Variants in NR3C1 observed in about 807,000 individuals in gnomAD.
NR3C1 encodes nuclear receptor subfamily 3 group C member 1.
A neutral mutation model predicts 74.0 loss-of-function variants in NR3C1; 14 were observed. The observed-to-expected ratio is 0.19, with a 90% CI of 0.12 to 0.30. NR3C1 has a LOEUF of 0.30. Among genes scored for constraint, NR3C1 ranks in the 10% least tolerant of loss-of-function variants. The pLI is 1.00. For synonymous variants in NR3C1, 308 were observed against 332.5 expected (o/e 0.93, Z 0.80); for missense variants, 695 against 909.8 (o/e 0.76, Z 3.04).
chr5:143,302,180 T>C (rs1293148433), intron 4 of NR3C1, among the ~76,000 whole-genome samples: 2 of 152,124 alleles, frequency 1.3e-5, no homozygotes, highest in African/African-American at 2.4e-5. Context: ...TATTAGTCCC[T>C]ACCTCATAGG....
At chr5:143,327,538 C>T (rs1189249710) in intron 2 of NR3C1, among the ~76,000 whole-genome samples, 1 of 152,224 alleles carries the variant, frequency 6.6e-6, no homozygotes, top group Non-Finnish European at 1.5e-5. Flanking sequence ...AAAGTCTCAT[C>T]TGAGACATGG....
chr5:143,429,975 G>A (rs565496392), intron 1 of NR3C1, among the ~76,000 whole-genome samples: 5 of 151,888 alleles, frequency 3.3e-5, no homozygotes, highest in South Asian at 4.2e-4. Context: ...CCTGTTACTC[G>A]GGAGGCTGAG....
intron 2 of NR3C1, among the ~76,000 whole-genome samples, chr5:143,357,124 T>C (rs1270881759): frequency 6.6e-6 from 1 of 152,234 alleles, no homozygotes; most frequent in Non-Finnish European, 1.5e-5. Context: ...TAAAAAAGCA[T>C]CAACTGTAAA....
intron 1 of NR3C1, among the ~76,000 whole-genome samples, chr5:143,414,136 AC>A (rs1841402279): frequency 6.6e-6 from 1 of 152,236 alleles, no homozygotes; most frequent in African/African-American, 2.4e-5. Context: ...CAAATGTTAC[AC>A]AAATGAATTG....
At chr5:143,344,701 TG>T (rs1186742148) in intron 2 of NR3C1, among the ~76,000 whole-genome samples, 1 of 152,006 alleles carries the variant, frequency 6.6e-6, no homozygotes, top group African/African-American at 2.4e-5. Flanking sequence ...GGTGAAACCT[TG>T]TCTCTACTAA....
rs138730173 is a variant in NR3C1, at chr5:143,297,144, G to A, written c.1892+1524C>T. On this transcript the variant is annotated intron_variant, in intron 6 of 8. Transcript: ENST00000394464. Reference sequence around the variant, plus strand: ...GCCCATCTTTTAGGCAGCAGCATGAGAACACAAGAATAGGAAGTACATATC... The same window carrying A: ...GCCCATCTTTTAGGCAGCAGCATGAAAACACAAGAATAGGAAGTACATATC... Among the ~76,000 whole-genome samples the A allele has an allele frequency of 5.3e-5, 8 of 149,608 alleles. No individual in the cohort carries two copies. The East Asian group carries it at 7.8e-4, about 15-fold the overall frequency.
chr5:143,408,219 C>T (rs1032075564), upstream of NR3C1, among the ~76,000 whole-genome samples: 1 of 152,058 alleles, frequency 6.6e-6, no homozygotes, highest in African/African-American at 2.4e-5. Context: ...ACTATAAAGG[C>T]CAAATACAGT....
intron 1 of NR3C1, chr5:143,402,485 G>A: frequency 1.8e-6 from 1 of 563,328 alleles, no homozygotes; most frequent in Non-Finnish European, 2.3e-6. Context: ...TTTTCTAAAA[G>A]GGGCCACTTA....
chr5:143,318,087 T>C (rs914637204), intron 2 of NR3C1, among the ~76,000 whole-genome samples: 2 of 152,010 alleles, frequency 1.3e-5, no homozygotes, highest in African/African-American at 4.8e-5. Context: ...TATATTAGAG[T>C]TATATAAAGC....
At position 143,281,493 on chromosome 5, in the gene NR3C1, C is replaced by T. The variant is rs999760234; in HGVS notation, c.*396G>A. The T allele has an allele frequency of 4.2e-6, 1 of 235,454 alleles. No homozygotes were observed. Among genetic ancestry groups the T allele is most frequent in the Non-Finnish European group, 8.4e-6 (1 of 118,352 alleles). The allele number at this position is 235,454 out of a possible 1,614,324, so 14.6% of individuals were successfully genotyped here. The stretch of plus-strand genomic sequence containing the variant: ...CCTAACTATACAGGGGGGGGATACA[C>T]CAACAGAAAGTCTAGAAAATTTCAT... On this transcript the variant is annotated 3_prime_UTR_variant, in exon 9 of 9. Coordinates refer to ENST00000394464, the MANE Select transcript of NR3C1 (RefSeq NM_000176.3).
chr5:143,372,763 G>A (rs1834444389), intron 2 of NR3C1, among the ~76,000 whole-genome samples: 1 of 152,070 alleles, frequency 6.6e-6, no homozygotes, highest in South Asian at 2.1e-4. Flanking sequence ...CAGTACAATC[G>A]TTTAGAAACT....
chr5:143,299,309 C>T (rs1409881040), intron 5 of NR3C1, among the ~76,000 whole-genome samples: 2 of 151,188 alleles, frequency 1.3e-5, no homozygotes, highest in African/African-American at 4.9e-5. Context: ...CCATCGCACC[C>T]AGCCCCCTAG....
At chr5:143,431,289 C>T (rs1224601731) in intron 1 of NR3C1, among the ~76,000 whole-genome samples, 2 of 152,166 alleles carry the variant, frequency 1.3e-5, no homozygotes, top group Non-Finnish European at 2.9e-5. Context: ...CACCAATGCA[C>T]TGCAAACCTA....
chr5:143,373,915 A>C (rs1020685257), intron 2 of NR3C1, among the ~76,000 whole-genome samples: 4 of 152,156 alleles, frequency 2.6e-5, no homozygotes, highest in African/African-American at 9.7e-5. Flanking sequence ...ATGTGTATGA[A>C]ATAAAAAAAA....
At chr5:143,317,943 G>A (rs1004607883) in intron 2 of NR3C1, among the ~76,000 whole-genome samples, 14 of 152,106 alleles carry the variant, frequency 9.2e-5, no homozygotes, top group Admixed American at 6.6e-4. Context: ...AAGAGAATCA[G>A]CTTTACATAC....
intron 2 of NR3C1, among the ~76,000 whole-genome samples, chr5:143,364,199 T>C (rs1832786672): frequency 6.6e-6 from 1 of 152,208 alleles, no homozygotes. Context: ...GTTGATTCCT[T>C]ATCAGAAACC....
chr5:143,344,624 T>C (rs1339070877), intron 2 of NR3C1, among the ~76,000 whole-genome samples: 1 of 151,930 alleles, frequency 6.6e-6, no homozygotes, highest in Non-Finnish European at 1.5e-5. Context: ...TGTAATCCCA[T>C]CACTTTGGGA....
chr5:143,284,640 ATTT>A (rs909133743), intron 7 of NR3C1, among the ~76,000 whole-genome samples: 1 of 151,582 alleles, frequency 6.6e-6, no homozygotes, highest in African/African-American at 2.4e-5. Context: ...TCCATCTTAA[ATTT>A]TTTTTTAATG....
At position 143,282,096 on chromosome 5, in the gene NR3C1, C is replaced by T; in HGVS notation, c.2182-55G>A. 2.5e-6 allele frequency: 4 copies of T among 1,595,710 alleles called. No individual in the cohort carries two copies. The South Asian group carries it at 4.4e-5, about 18-fold the overall frequency. On this transcript the variant is annotated intron_variant, in intron 8 of 8. Transcript: ENST00000394464. ...CTTCCAAATTGGTCAGTGGGAACAT[C>T]TCATGTTTGTTGTCCTCTATTTTGA...
Sources: allele counts gnomAD v4.1 joint callset (sites outside exome capture counted in the v4.1 genomes callset), GRCh38; gene constraint gnomAD v4.1.1; transcripts MANE v1.5; gene names NCBI Gene and HGNC (gene_info 2026-07-23, HGNC 2026-07-21).